Variants in HECTD4 observed in about 807,000 individuals in gnomAD.
HECTD4 encodes the protein probable E3 ubiquitin-protein ligase HECTD4.
A neutral mutation model predicts 471.5 loss-of-function variants in HECTD4; 114 were observed. That is an observed-to-expected ratio of 0.24 (90% CI 0.21 to 0.28). The LOEUF (loss-of-function observed/expected upper bound fraction) is 0.28. Ranked by LOEUF, HECTD4 falls within the 10% of genes least tolerant of loss-of-function variation. HECTD4 has a pLI of 1.00. For missense variants in HECTD4, 3,866 were observed against 5,651.5 expected (o/e 0.68, Z 10.13); for synonymous variants, 2,012 against 2,256.0 (o/e 0.89, Z 3.07).
intron 29 of HECTD4, among the ~76,000 whole-genome samples, chr12:112,245,184 TG>T (rs1041782885): frequency 2.0e-5 from 3 of 152,036 alleles, no homozygotes; most frequent in Non-Finnish European, 4.4e-5. Flanking sequence ...TATATTTTTT[TG>T]TAGAGACCAG....
chr12:112,288,716 C>T (rs187971022), intron 7 of HECTD4, among the ~76,000 whole-genome samples: 42 of 152,352 alleles, frequency 2.8e-4, no homozygotes, highest in African/African-American at 9.1e-4. Context: ...TCCATGATGT[C>T]GAGCTTCAGC....
rs530056033 is a variant in HECTD4, at chr12:112,205,523, C to T, written c.8132-900G>A. Among the ~76,000 whole-genome samples the T allele has an allele frequency of 2.6e-5, 4 of 152,262 alleles. No individual in the cohort carries two copies. The East Asian group carries it at 5.8e-4, about 22-fold the overall frequency. ...CATTATTTTGCAGTTATTTCATTTT[C>T]GTTAACTCAAAATAACAAATTACAG... On this transcript the variant is annotated intron_variant, in intron 52 of 75. Transcript: ENST00000682272.
At chr12:112,195,731 T>C (rs1328420733) in intron 55 of HECTD4, among the ~76,000 whole-genome samples, 2 of 152,224 alleles carry the variant, frequency 1.3e-5, no homozygotes, top group African/African-American at 4.8e-5. Flanking sequence ...TTGTGTACTT[T>C]AAATGGGTGA....
At chr12:112,171,052 T>C (rs767443793) in intron 68 of HECTD4, 65 bp downstream of exon 68, 19 of 1,414,800 alleles carry the variant, frequency 1.3e-5, no homozygotes, top group Non-Finnish European at 1.8e-5. Context: ...CCGTGGATTC[T>C]GGCCCTGGTG....
chr12:112,298,480 A>AT (rs199649818), intron 7 of HECTD4, among the ~76,000 whole-genome samples: 27,337 of 132,756 alleles, frequency 0.21, 4,642 homozygotes, highest in East Asian at 0.83. Context: ...AATTATATTA[A>AT]TTTTTTTTTT....
rs1340957573 is a variant in HECTD4 at position 112,324,001 on chromosome 12, C to T, written c.178-4259G>A. Reference sequence around the variant, plus strand: ...TCCTTCCTTCCTTCCTTCCTTCCTTCCTTCCTTCCTTCCTTCCTTCCTTCC... The same window carrying T: ...TCCTTCCTTCCTTCCTTCCTTCCTTTCTTCCTTCCTTCCTTCCTTCCTTCC... On this transcript the variant is annotated intron_variant, in intron 1 of 75. Transcript: ENST00000682272. 1.7e-3 allele frequency among the ~76,000 whole-genome samples: 62 copies of T among 37,202 alleles called. 9 individuals are homozygous for T. In the East Asian group the frequency reaches 0.11, roughly 66 times the overall value. 24.4% of individuals were successfully genotyped at this position (37,202 alleles called of 152,430 possible).
chr12:112,169,713 C>A (rs1325289950), intron 69 of HECTD4, 55 bp from the exon 70 acceptor site: 1 of 1,601,346 alleles, frequency 6.2e-7, no homozygotes, highest in East Asian at 2.2e-5. Context: ...CCTCTCCCCT[C>A]CCCTTGAGGA....
At chr12:112,270,198 T>C in intron 12 of HECTD4, 29 bp downstream of exon 12, 1 of 1,580,084 alleles carries the variant, frequency 6.3e-7, no homozygotes, top group East Asian at 2.2e-5. Flanking sequence ...TTCTCTATCA[T>C]CTTATTTATT....
chr12:112,348,198 A>G (rs1007167764), intron 1 of HECTD4, among the ~76,000 whole-genome samples: 2 of 152,236 alleles, frequency 1.3e-5, no homozygotes, highest in Admixed American at 6.5e-5. Context: ...AGATTAACAC[A>G]AGAGTAGTTC....
At chr12:112,236,296 T>C (rs1035717668) in intron 35 of HECTD4, among the ~76,000 whole-genome samples, 2 of 152,184 alleles carry the variant, frequency 1.3e-5, no homozygotes, top group Non-Finnish European at 2.9e-5. Flanking sequence ...AATAAATGAT[T>C]GCTAGGGAGA....
At chr12:112,297,126 C>T (rs1288456211) in intron 7 of HECTD4, among the ~76,000 whole-genome samples, 1 of 150,508 alleles carries the variant, frequency 6.6e-6, no homozygotes, top group African/African-American at 2.5e-5. Flanking sequence ...GATGTAGGTG[C>T]AGAGGGTGTA....
At chr12:112,211,779 CA>C (rs1273550753) in intron 49 of HECTD4, among the ~76,000 whole-genome samples, 10 of 152,188 alleles carry the variant, frequency 6.6e-5, no homozygotes, top group Non-Finnish European at 4.4e-5. Flanking sequence ...TTAGCAACTA[CA>C]AGCATGGAGC....
intron 1 of HECTD4, among the ~76,000 whole-genome samples, chr12:112,331,565 T>C (rs1185921098): frequency 6.6e-6 from 1 of 152,218 alleles, no homozygotes; most frequent in Non-Finnish European, 1.5e-5. Context: ...TTTTACACAG[T>C]TGTTAAAATC....
chr12:112,227,542 C>A (rs2033272902), intron 43 of HECTD4, among the ~76,000 whole-genome samples: 1 of 152,210 alleles, frequency 6.6e-6, no homozygotes, highest in Non-Finnish European at 1.5e-5. Flanking sequence ...CAGGAAAAGA[C>A]CAACACCAAC....
chr12:112,302,246 G>C, intron 7 of HECTD4: 1 of 1,276,136 alleles, frequency 7.8e-7, no homozygotes. Context: ...GGTGGTGATG[G>C]TGTTAACTCC....
chr12:112,164,565 A>G (rs2030848466), intron 72 of HECTD4, among the ~76,000 whole-genome samples: 1 of 151,268 alleles, frequency 6.6e-6, no homozygotes, highest in Non-Finnish European at 1.5e-5. Context: ...ACCCTTTACC[A>G]CTGGAGGCCA....
chr12:112,336,856 T>C (rs2135721671), intron 1 of HECTD4, among the ~76,000 whole-genome samples: 1 of 152,342 alleles, frequency 6.6e-6, no homozygotes, highest in South Asian at 2.1e-4. Context: ...TACGTATTTT[T>C]ACAATTTTCC....
At chr12:112,181,265 C>G (rs146432245) in intron 62 of HECTD4, among the ~76,000 whole-genome samples, 1 of 152,168 alleles carries the variant, frequency 6.6e-6, no homozygotes, top group East Asian at 1.9e-4. Flanking sequence ...AGAAAAAGAT[C>G]AGTAATGCTA....
At chr12:112,354,906 G>A (rs552321689) in intron 1 of HECTD4, among the ~76,000 whole-genome samples, 101 of 152,106 alleles carry the variant, frequency 6.6e-4, no homozygotes, top group African/African-American at 2.2e-3. Context: ...AAAGATGAGC[G>A]CTGCCCTACA....
Sources: allele counts gnomAD v4.1 joint callset (sites outside exome capture counted in the v4.1 genomes callset), GRCh38; gene constraint gnomAD v4.1.1; transcripts MANE v1.5; gene names NCBI Gene and HGNC (gene_info 2026-07-23, HGNC 2026-07-21).